Variants in COL14A1 observed in about 807,000 individuals in gnomAD.
COL14A1 encodes the protein collagen alpha-1(XIV) chain.
COL14A1 carries 136 observed loss-of-function variants against 230.3 expected under a neutral mutation model. That is an observed-to-expected ratio of 0.59 (90% CI 0.51 to 0.68). The LOEUF (loss-of-function observed/expected upper bound fraction) is 0.68, where lower values mean the gene tolerates loss of function less well. Among genes scored for constraint, COL14A1 ranks in the 30% least tolerant of loss-of-function variants. The pLI is 0.00. For synonymous variants in COL14A1, 792 were observed against 784.1 expected (o/e 1.01, Z -0.17); for missense variants, 1,976 against 2,215.8 (o/e 0.89, Z 2.17).
chr8:120,225,477 A>G (rs1169182605), intron 15 of COL14A1, among the ~76,000 whole-genome samples: 2 of 152,114 alleles, frequency 1.3e-5, no homozygotes, highest in Non-Finnish European at 2.9e-5. Flanking sequence ...TTCTCTTCCT[A>G]ATCTTATATC....
intron 1 of COL14A1, among the ~76,000 whole-genome samples, chr8:120,125,544 A>C (rs1371074573): frequency 2.6e-5 from 4 of 152,086 alleles, no homozygotes; most frequent in Non-Finnish European, 5.9e-5. Context: ...TTCACGGTGT[A>C]GGGAGATTAG....
intron 44 of COL14A1, among the ~76,000 whole-genome samples, chr8:120,344,792 T>A (rs1822440208): frequency 6.6e-6 from 1 of 152,204 alleles, no homozygotes; most frequent in African/African-American, 2.4e-5. Flanking sequence ...GTAACATATA[T>A]CTGTATATAT....
At position 120,289,617 on chromosome 8, in the gene COL14A1, G is replaced by A. The variant is rs1820308326; in HGVS notation, c.4087G>A (p.Val1363Ile). The A allele has an allele frequency of 1.2e-6, 2 of 1,613,634 alleles. No homozygotes were observed. The highest frequency in any genetic ancestry group is 1.7e-6 in the Non-Finnish European group (2 of 1,179,850). Residue 1363 changes from valine to isoleucine, a missense_variant, in exon 34 of 48, where the codon GTT becomes ATT. This residue lies in a region of COL14A1 where 1,791 missense variants were observed against 2,019.5 expected (regional missense o/e 0.89). Coordinates refer to ENST00000297848, the MANE Select transcript of COL14A1 (RefSeq NM_021110.4). ...TCTTACTTTTACCTAGCTACACATT[G>A]TTGTCAGTGAGACTTTGGTCAAAGT... ...FYGSFHKLHI[V>I]VSETLVKVVI...
intron 47 of COL14A1, 69 bp downstream of exon 47, chr8:120,369,554 G>A: frequency 1.4e-6 from 2 of 1,380,716 alleles, no homozygotes; most frequent in African/African-American, 3.0e-5. Flanking sequence ...ACCAAAATGG[G>A]AAGATAGTGC....
chr8:120,370,927 A>G (rs118178998), intron 47 of COL14A1: 7 of 1,176,568 alleles, frequency 5.9e-6, no homozygotes, highest in Non-Finnish European at 8.0e-6. Context: ...ATGGTTGGTT[A>G]TGATTCTAGT....
At chr8:120,357,181 G>C (rs116414295) in intron 45 of COL14A1, among the ~76,000 whole-genome samples, 3,919 of 152,262 alleles carry the variant, frequency 0.026, 150 homozygotes, top group African/African-American at 0.084. Flanking sequence ...TGTTGGCTAA[G>C]AGTCTTGCAT....
chr8:120,315,003 A>T (rs890834150), intron 38 of COL14A1, among the ~76,000 whole-genome samples: 1 of 152,240 alleles, frequency 6.6e-6, no homozygotes, highest in Non-Finnish European at 1.5e-5. Flanking sequence ...CTATGTTAAA[A>T]CTATCCTGGT....
intron 31 of COL14A1, among the ~76,000 whole-genome samples, chr8:120,282,299 T>C (rs1441217815): frequency 6.6e-6 from 1 of 152,188 alleles, no homozygotes; most frequent in Non-Finnish European, 1.5e-5. Flanking sequence ...TCTGTCCACA[T>C]TGAAGGCAGA....
chr8:120,156,490 A>G (rs958596395), intron 2 of COL14A1, among the ~76,000 whole-genome samples: 1 of 152,144 alleles, frequency 6.6e-6, no homozygotes, highest in East Asian at 1.9e-4. Flanking sequence ...CTTAATATGA[A>G]TCATCTTTCA....
intron 1 of COL14A1, among the ~76,000 whole-genome samples, chr8:120,138,100 A>C (rs771229765): frequency 6.6e-6 from 1 of 152,096 alleles, no homozygotes; most frequent in Non-Finnish European, 1.5e-5. Context: ...ACTACTTGAT[A>C]GAGTTGTTCA....
intron 45 of COL14A1, among the ~76,000 whole-genome samples, chr8:120,349,903 T>G (rs1822680943): frequency 6.8e-6 from 1 of 146,100 alleles, no homozygotes; most frequent in Admixed American, 6.8e-5. Flanking sequence ...AAGATACTCC[T>G]CGAGAAGAGC....
chr8:120,166,472 G>A (rs1211116906), intron 4 of COL14A1, among the ~76,000 whole-genome samples: 1 of 152,146 alleles, frequency 6.6e-6, no homozygotes, highest in African/African-American at 2.4e-5. Flanking sequence ...TTCTTTGGAA[G>A]TCTGACTCAA....
intron 5 of COL14A1, among the ~76,000 whole-genome samples, chr8:120,190,393 T>A (rs1236797820): frequency 6.6e-6 from 1 of 152,212 alleles, no homozygotes; most frequent in Non-Finnish European, 1.5e-5. Context: ...TAGCCCTTTG[T>A]CAGATGAGTA....
chr8:120,247,689 A>G lies in COL14A1; in HGVS notation c.2556A>G (p.Pro852=), dbSNP rs755848308. ...YNRLRITWDP[P]SSPVKGYRIV... ...GGTTGCGCATTACGTGGGACCCCCC[A>G]TCTTCCCCGGTGAAAGGCTATAGAA... The change falls in exon 21 of 48, where the codon CCA becomes CCG. Residue 852 remains proline (P), a synonymous_variant. Coordinates refer to ENST00000297848, the MANE Select transcript of COL14A1 (RefSeq NM_021110.4). The G allele has an allele frequency of 1.2e-6, 2 of 1,614,162 alleles. No individual in the cohort carries two copies. Among genetic ancestry groups the G allele is most frequent in the Admixed American group, 1.7e-5 (1 of 60,014 alleles).
intron 19 of COL14A1, among the ~76,000 whole-genome samples, chr8:120,238,696 G>A (rs1288975989): frequency 6.6e-6 from 1 of 152,150 alleles, no homozygotes; most frequent in Admixed American, 6.5e-5. Flanking sequence ...TGCCCAGATG[G>A]CCACCCAGCT....
intron 45 of COL14A1, 48 bp downstream of exon 45, chr8:120,345,611 G>T: frequency 7.0e-7 from 1 of 1,435,836 alleles, no homozygotes; most frequent in Non-Finnish European, 9.2e-7. Flanking sequence ...GTTGGGTGCA[G>T]GGAAGCAGAA....
chr8:120,276,565 C>T (rs892388550), intron 26 of COL14A1, among the ~76,000 whole-genome samples: 24 of 151,614 alleles, frequency 1.6e-4, no homozygotes, highest in African/African-American at 5.3e-4. Flanking sequence ...CAATTCCCAC[C>T]TATGAGTGAG....
intron 20 of COL14A1, among the ~76,000 whole-genome samples, chr8:120,246,499 A>G (rs1013972373): frequency 3.3e-5 from 5 of 152,244 alleles, no homozygotes; most frequent in African/African-American, 1.2e-4. Context: ...GAAAACCAAA[A>G]TCACAGACTT....
At position 120,278,202 on chromosome 8, in the gene COL14A1, A is replaced by G. The variant is rs1426450972; in HGVS notation, c.3305A>G (p.His1102Arg). Residue 1102 changes from histidine (H) to arginine (R), a missense_variant, in exon 27 of 48, where the codon CAC becomes CGC. His to Arg is a conservative substitution (Grantham distance 29). Around this residue, in one of 3 missense-constraint regions of COL14A1, gnomAD observed 1,791 missense variants for 2,019.5 expected, o/e 0.89. Coordinates refer to ENST00000297848, the MANE Select transcript of COL14A1 (RefSeq NM_021110.4). ...GAGACTCTTCTTGATGCAATTAAAC[A>G]CATTTCATACAAAGGAGGAAATACA... Reference protein sequence around the residue: ...TKETLLDAIKHISYKGGNTKT... With the variant: ...TKETLLDAIKRISYKGGNTKT... 6.2e-7 allele frequency: 1 copy of G among 1,610,490 alleles called. No homozygotes were observed. The highest frequency in any genetic ancestry group is 1.7e-4 in the Middle Eastern group (1 of 6,026).
Sources: gnomAD v4.1 joint callset for allele counts (sites outside exome capture counted in the v4.1 genomes callset) on GRCh38, gnomAD v4.1.1 for gene constraint, gnomAD v4.1.1 regional missense constraint, MANE v1.5 for transcripts, NCBI Gene and HGNC (gene_info 2026-07-23, HGNC 2026-07-21) for gene names.